The following FRY variants were observed in gnomAD, a reference collection of about 807,000 sequenced individuals.
FRY encodes FRY microtubule binding protein.
In FRY, 128 loss-of-function variants were observed where a neutral mutation model predicts 348.4. The ratio of observed to expected loss-of-function variants is 0.37; its 90% confidence interval spans 0.32 to 0.43. The LOEUF is 0.43. Ranked by LOEUF, FRY falls within the 20% of genes least tolerant of loss-of-function variation. FRY has a pLI of 1.00. For missense variants in FRY, 2,736 were observed against 3,695.2 expected (o/e 0.74, Z 6.73); for synonymous variants, 1,370 against 1,374.7 (o/e 1.00, Z 0.08).
intron 11 of FRY, among the ~76,000 whole-genome samples, chr13:32,139,601 G>A (rs1349730148): frequency 1.4e-4 from 21 of 152,218 alleles, no homozygotes; most frequent in Admixed American, 1.4e-3. Flanking sequence ...TCAGTCAGAA[G>A]CAGGTTGCTT....
intron 31 of FRY, among the ~76,000 whole-genome samples, chr13:32,207,926 C>T (rs139399123): frequency 0.013 from 1,968 of 152,272 alleles, 43 homozygotes; most frequent in African/African-American, 0.045. Context: ...GGATAAAATA[C>T]CTTCTTCTCT....
At chr13:32,179,085 G>C in intron 22 of FRY, 52 bp downstream of exon 22, 1 of 1,456,010 alleles carries the variant, frequency 6.9e-7, no homozygotes. Context: ...TTTTTAGCTT[G>C]TTTGTCTAGA....
At chr13:32,093,530 T>A (rs553625273) in intron 2 of FRY, among the ~76,000 whole-genome samples, 1 of 152,374 alleles carries the variant, frequency 6.6e-6, no homozygotes, top group East Asian at 1.9e-4. Flanking sequence ...CTGTATTTCC[T>A]AAAAATTGGA....
At chr13:32,174,405 A>G (rs991658682) in intron 19 of FRY, among the ~76,000 whole-genome samples, 6 of 152,212 alleles carry the variant, frequency 3.9e-5, no homozygotes, top group Non-Finnish European at 8.8e-5. Context: ...GCAAACCTTC[A>G]TCAAGTTTGT....
intron 3 of FRY, among the ~76,000 whole-genome samples, chr13:32,111,860 CT>C (rs938397850): frequency 2.6e-5 from 4 of 152,128 alleles, no homozygotes; most frequent in African/African-American, 9.7e-5. Context: ...CCTCAGTGTC[CT>C]TTCTCATTGG....
intron 2 of FRY, among the ~76,000 whole-genome samples, chr13:32,079,518 G>A (rs764332984): frequency 9.9e-5 from 15 of 152,152 alleles, no homozygotes; most frequent in Non-Finnish European, 2.1e-4. Context: ...TTGATGAGTC[G>A]TTCAGAAATA....
chr13:32,076,123 C>A (rs1019230410), intron 1 of FRY, among the ~76,000 whole-genome samples: 4 of 152,106 alleles, frequency 2.6e-5, no homozygotes, highest in African/African-American at 9.7e-5. Flanking sequence ...CAAAATGCAG[C>A]CTTGTAGGAG....
intron 20 of FRY, 105 bp from the exon 21 acceptor site, chr13:32,178,072 A>G: frequency 8.4e-7 from 1 of 1,188,230 alleles, no homozygotes; most frequent in Non-Finnish European, 1.3e-6. Flanking sequence ...AGCCCAGTGC[A>G]CTCAGCAAAA....
chr13:32,258,245 TG>T (rs1887437888), intron 51 of FRY, among the ~76,000 whole-genome samples: 1 of 152,244 alleles, frequency 6.6e-6, no homozygotes. Context: ...TTTTCAAATC[TG>T]ATCTATGGCA....
intron 55 of FRY, among the ~76,000 whole-genome samples, chr13:32,270,792 T>C (rs1888163435): frequency 6.6e-6 from 1 of 152,256 alleles, no homozygotes; most frequent in Non-Finnish European, 1.5e-5. Flanking sequence ...CTTGTGACTC[T>C]ATATGATAAT....
At chr13:32,200,672 C>T (rs146861314) in intron 29 of FRY, among the ~76,000 whole-genome samples, 326 of 152,288 alleles carry the variant, frequency 2.1e-3, no homozygotes, top group Admixed American at 4.9e-3. Flanking sequence ...TAAGAAAATA[C>T]ATATGGTGAA....
chr13:32,108,018 G>A (rs1877686422), intron 3 of FRY, among the ~76,000 whole-genome samples: 1 of 152,196 alleles, frequency 6.6e-6, no homozygotes, highest in Non-Finnish European at 1.5e-5. Context: ...AACACTTACT[G>A]TGCATGTGTA....
chr13:32,208,953 G>A lies in FRY; in HGVS notation c.4119G>A (p.Arg1373=). ...WLHNIELVDS[R]LLLPGSSPSS... is the part of the protein sequence containing the mutation. ...ACAACATCGAGCTGGTGGACAGCAGGCTCCTCCTCCCGGGGTCGAGCCCCA... is the reference window on the plus strand; with the variant it reads ...ACAACATCGAGCTGGTGGACAGCAGACTCCTCCTCCCGGGGTCGAGCCCCA... Residue 1373 remains arginine (R), a synonymous_variant, in exon 32 of 61, where the codon AGG becomes AGA. Coordinates refer to ENST00000542859, the MANE Select transcript of FRY (RefSeq NM_023037.3). The A allele has an allele frequency of 6.2e-7, 1 of 1,614,158 alleles. No individual in the cohort carries two copies. The highest frequency in any genetic ancestry group is 8.5e-7 in the Non-Finnish European group (1 of 1,180,036).
intron 59 of FRY, among the ~76,000 whole-genome samples, chr13:32,291,522 C>T (rs750600745): frequency 1.3e-5 from 2 of 151,948 alleles, no homozygotes; most frequent in African/African-American, 2.4e-5. Context: ...TCTCCTGCCT[C>T]AGTCTCCTGA....
chr13:32,055,469 C>T (rs2138420867), intron 1 of FRY, among the ~76,000 whole-genome samples: 1 of 152,298 alleles, frequency 6.6e-6, no homozygotes, highest in East Asian at 1.9e-4. Context: ...AACCTGGGTA[C>T]ACATTGGAAT....
chr13:32,115,954 A>G (rs922901130), intron 3 of FRY, among the ~76,000 whole-genome samples: 5 of 152,076 alleles, frequency 3.3e-5, no homozygotes, highest in Non-Finnish European at 7.4e-5. Flanking sequence ...TTCATTTACC[A>G]TATCATGAAC....
chr13:32,291,461 A>G (rs1270545319), intron 59 of FRY, among the ~76,000 whole-genome samples: 2 of 149,416 alleles, frequency 1.3e-5, no homozygotes, highest in African/African-American at 5.0e-5. Context: ...GCTGGAGTGC[A>G]ATGGCACAAT....
intron 14 of FRY, among the ~76,000 whole-genome samples, chr13:32,154,705 G>A (rs9567301): frequency 0.16 from 23,703 of 152,134 alleles, 2,390 homozygotes; most frequent in East Asian, 0.47. Context: ...TTCTTCCATA[G>A]GTAGTAGTAT....
chr13:32,079,154 A>G (rs978135267), intron 2 of FRY, 121 bp downstream of exon 2: 12 of 780,654 alleles, frequency 1.5e-5, no homozygotes, highest in East Asian at 2.5e-5. Context: ...GTTCTTTAAT[A>G]TCATAGGTAA....
Sources: allele counts gnomAD v4.1 joint callset (sites outside exome capture counted in the v4.1 genomes callset), GRCh38; gene constraint gnomAD v4.1.1; transcripts MANE v1.5; gene names NCBI Gene and HGNC (gene_info 2026-07-23, HGNC 2026-07-21).